The following CCNY variants were observed in gnomAD, a reference collection of about 807,000 sequenced individuals.
CCNY encodes the protein cyclin Y, also known as cyclin-Y.
Under a neutral mutation model 42.8 loss-of-function variants are expected in CCNY, and 19 were observed. That is an observed-to-expected ratio of 0.44 (90% CI 0.31 to 0.65). CCNY has a LOEUF of 0.65. Among genes scored for constraint, CCNY ranks in the 30% least tolerant of loss-of-function variants. The pLI is 0.07. For synonymous variants in CCNY, 165 were observed against 162.7 expected (o/e 1.01, Z -0.11); for missense variants, 370 against 437.3 (o/e 0.85, Z 1.37).
intron 2 of CCNY, among the ~76,000 whole-genome samples, chr10:35,485,672 C>T (rs769134596): frequency 6.7e-6 from 1 of 148,578 alleles, no homozygotes; most frequent in Non-Finnish European, 1.5e-5. Context: ...TTGCAGTGAG[C>T]CGAGATTGTG....
At chr10:35,496,356 G>A (rs1840002879) in intron 2 of CCNY, among the ~76,000 whole-genome samples, 1 of 152,238 alleles carries the variant, frequency 6.6e-6, no homozygotes, top group Admixed American at 6.5e-5. Context: ...ATAGAGGAAG[G>A]GGTCCTACAC....
At chr10:35,551,580 G>T (rs1841259106) in intron 7 of CCNY, among the ~76,000 whole-genome samples, 1 of 143,780 alleles carries the variant, frequency 7.0e-6, no homozygotes, top group South Asian at 2.2e-4. Flanking sequence ...GATAAAAACT[G>T]TAGTAGTAAT....
At chr10:35,404,087 G>A (rs184498460) in intron 1 of CCNY, among the ~76,000 whole-genome samples, 1 of 152,358 alleles carries the variant, frequency 6.6e-6, no homozygotes, top group Non-Finnish European at 1.5e-5. Flanking sequence ...AGGAGCCAGG[G>A]AGCAGAAAGT....
chr10:35,469,570 G>A (rs114178975), intron 1 of CCNY, among the ~76,000 whole-genome samples: 4 of 138,126 alleles, frequency 2.9e-5, no homozygotes, highest in African/African-American at 1.4e-4. Context: ...ATGGAGAGAT[G>A]GACAGACAGG....
chr10:35,386,326 C>T (rs546694565), intron 1 of CCNY, among the ~76,000 whole-genome samples: 23 of 152,292 alleles, frequency 1.5e-4, no homozygotes, highest in South Asian at 1.0e-3. Context: ...CCCGGTAAAG[C>T]ATGGCAGCTT....
At chr10:35,402,309 G>A (rs150143210) in intron 1 of CCNY, among the ~76,000 whole-genome samples, 12 of 152,182 alleles carry the variant, frequency 7.9e-5, no homozygotes, top group African/African-American at 2.9e-4. Flanking sequence ...AAGACACAAG[G>A]TCCGAATAAA....
At chr10:35,474,202 G>T (rs1213742847) in intron 1 of CCNY, among the ~76,000 whole-genome samples, 1 of 152,168 alleles carries the variant, frequency 6.6e-6, no homozygotes, top group African/African-American at 2.4e-5. Context: ...ACTGCAAGGC[G>T]GCAGCGAGGC....
At chr10:35,424,785 G>A (rs1838231392) in intron 1 of CCNY, among the ~76,000 whole-genome samples, 2 of 152,140 alleles carry the variant, frequency 1.3e-5, no homozygotes, top group Non-Finnish European at 2.9e-5. Context: ...ATACAAAATC[G>A]ATGCTTTAAA....
chr10:35,392,108 G>C (rs1456937479), intron 1 of CCNY, among the ~76,000 whole-genome samples: 1 of 152,192 alleles, frequency 6.6e-6, no homozygotes, highest in Admixed American at 6.5e-5. Flanking sequence ...TAGAAGATAT[G>C]TAACTACAAG....
In CCNY at chr10:35,470,295, G is replaced by C. The variant is rs146284358; in HGVS notation, c.155-13109G>C. 9.2e-4 allele frequency among the ~76,000 whole-genome samples: 140 copies of C among 151,670 alleles called. 1 individual carries two copies. Among genetic ancestry groups the C allele is most frequent in the Admixed American group, 5.7e-3 (87 of 15,246 alleles). On this transcript the variant is annotated intron_variant, in intron 1 of 9. Transcript: ENST00000374704. The stretch of plus-strand genomic sequence containing the variant: ...CAGGCAGGTGGAGAGACCGACAGAG[G>C]GAAGGAGAGGCAAACGGGGAGATGC...
At chr10:35,420,191 G>A (rs1838130831) in intron 1 of CCNY, among the ~76,000 whole-genome samples, 1 of 152,160 alleles carries the variant, frequency 6.6e-6, no homozygotes, top group African/African-American at 2.4e-5. Flanking sequence ...AAAGAAATCT[G>A]GATCATGGTG....
At chr10:35,348,999 C>T (rs766939966) in intron 1 of CCNY, among the ~76,000 whole-genome samples, 15 of 151,856 alleles carry the variant, frequency 9.9e-5, no homozygotes, top group Non-Finnish European at 1.5e-4. Flanking sequence ...TGTGCGGGTA[C>T]ACTTCCATGT....
chr10:35,416,161 G>A (rs1361209580), intron 1 of CCNY, among the ~76,000 whole-genome samples: 4 of 52,610 alleles, frequency 7.6e-5, no homozygotes, highest in African/African-American at 1.6e-4. Flanking sequence ...TGTGGCACCC[G>A]TGTGTGTGTG....
chr10:35,402,597 GT>G (rs1263431497), intron 1 of CCNY, among the ~76,000 whole-genome samples: 1 of 152,188 alleles, frequency 6.6e-6, no homozygotes, highest in Non-Finnish European at 1.5e-5. Context: ...GCCAGCAATT[GT>G]TTGTTAAAGA....
intron 1 of CCNY, among the ~76,000 whole-genome samples, chr10:35,247,701 C>A (rs1360621736): frequency 3.3e-5 from 5 of 151,314 alleles, no homozygotes; most frequent in African/African-American, 1.2e-4. Context: ...ACGGTGAAAC[C>A]CCGTCTCTAC....
intron 3 of CCNY, among the ~76,000 whole-genome samples, chr10:35,253,814 G>C (rs1427744196): frequency 6.6e-6 from 1 of 151,348 alleles, no homozygotes; most frequent in Non-Finnish European, 1.5e-5. Flanking sequence ...AAAATCATTT[G>C]CATTGTTTTA....
chr10:35,569,388 A>G lies in CCNY; in HGVS notation c.*218A>G, dbSNP rs749384262. ...CGCTCTCCCCACTGTCAGCAACAGCACTTCCTTCGTGGAGGAAGTGGACTC... is the reference window on the plus strand; with the variant it reads ...CGCTCTCCCCACTGTCAGCAACAGCGCTTCCTTCGTGGAGGAAGTGGACTC... On this transcript the variant is annotated 3_prime_UTR_variant, in exon 10 of 10. Coordinates refer to ENST00000374704, the MANE Select transcript of CCNY (RefSeq NM_145012.6). The G allele has an allele frequency of 1.8e-6, 1 of 556,572 alleles. No individual in the cohort carries two copies. The highest frequency in any genetic ancestry group is 3.2e-6 in the Non-Finnish European group (1 of 310,394). The allele number at this position is 556,572 out of a possible 1,614,324, so 34.5% of individuals were successfully genotyped here.
chr10:35,251,591 T>A (rs903899723), intron 3 of CCNY, among the ~76,000 whole-genome samples: 23 of 60,466 alleles, frequency 3.8e-4, no homozygotes, highest in Non-Finnish European at 1.6e-4. Flanking sequence ...CAATGTCACT[T>A]TTTTTTTTTT....
intron 3 of CCNY, among the ~76,000 whole-genome samples, chr10:35,510,628 T>G (rs1222165557): frequency 6.6e-6 from 1 of 152,188 alleles, no homozygotes. Flanking sequence ...GTTAAATGAC[T>G]TAATATTTAT....
Sources: gnomAD v4.1 joint callset for allele counts (sites outside exome capture counted in the v4.1 genomes callset) on GRCh38, gnomAD v4.1.1 for gene constraint, MANE v1.5 for transcripts, NCBI Gene and HGNC (gene_info 2026-07-23, HGNC 2026-07-21) for gene names.